Variants in POR observed in about 807,000 individuals in gnomAD.
POR encodes NADPH--cytochrome P450 reductase.
In POR, 56 loss-of-function variants were observed where a neutral mutation model predicts 84.0. That is an observed-to-expected ratio of 0.67 (90% CI 0.54 to 0.83). The LOEUF (loss-of-function observed/expected upper bound fraction) is 0.83. POR is among the 40% of genes least tolerant of loss of function. The pLI is 0.00. For synonymous variants in POR, 414 were observed against 400.5 expected, an observed-to-expected ratio of 1.03 and a Z score of -0.40; for missense variants, 938 against 944.3, an observed-to-expected ratio of 0.99 and a Z score of 0.09.
intron 1 of POR, among the ~76,000 whole-genome samples, chr7:75,916,475 CT>C (rs1554548079): frequency 1.4e-5 from 2 of 144,778 alleles, no homozygotes; most frequent in African/African-American, 4.8e-5. Flanking sequence ...GAAAGGTCCA[CT>C]TCCTTTTTTT....
At chr7:75,952,687 C>T (rs782486146) in intron 1 of POR, among the ~76,000 whole-genome samples, 2 of 145,986 alleles carry the variant, frequency 1.4e-5, no homozygotes, top group African/African-American at 5.2e-5. Context: ...CCAGACGGGG[C>T]GGCGGGGCAG....
chr7:75,982,150 C>T, intron 7 of POR, 74 bp from the exon 8 acceptor site: 1 of 1,151,698 alleles, frequency 8.7e-7, no homozygotes, highest in Non-Finnish European at 1.3e-6. Context: ...ACGGTCTCCC[C>T]TGTAGTCCAA....
At chr7:75,926,844 G>A (rs1027077033) in intron 1 of POR, among the ~76,000 whole-genome samples, 46 of 152,122 alleles carry the variant, frequency 3.0e-4, no homozygotes, top group African/African-American at 1.1e-3. Context: ...TGCAAAGTCT[G>A]ATGAGCACCA....
chr7:75,985,797 G>C lies in POR; in HGVS notation c.1617G>C (p.Gly539=). 1 of 1,567,200 alleles carries C rather than the reference G, an allele frequency of 6.4e-7. No homozygotes were observed. Among genetic ancestry groups the C allele is most frequent in the Non-Finnish European group, 8.6e-7 (1 of 1,156,344 alleles). Residue 539 remains glycine, a synonymous_variant, in exon 13 of 16, where the codon GGG becomes GGC. Coordinates refer to ENST00000461988, the MANE Select transcript of POR (RefSeq NM_000941.3). Reference sequence around the variant, plus strand: ...TCATCATGGTGGGCCCCGGCACCGGGGTGGCACCCTTCATAGGCTTCATCC... The same window carrying C: ...TCATCATGGTGGGCCCCGGCACCGGCGTGGCACCCTTCATAGGCTTCATCC...
At chr7:75,927,536 G>C (rs2116247523) in intron 1 of POR, among the ~76,000 whole-genome samples, 1 of 152,196 alleles carries the variant, frequency 6.6e-6, no homozygotes, top group African/African-American at 2.4e-5. Flanking sequence ...ATGAGTGTGG[G>C]ATTTCCTTTT....
chr7:75,966,485 C>CGTGCCTCT (rs1788187672), intron 2 of POR, among the ~76,000 whole-genome samples: 1 of 152,208 alleles, frequency 6.6e-6, no homozygotes, highest in Non-Finnish European at 1.5e-5. Flanking sequence ...CTGCTGCCAT[C>CGTGCCTCT]GTGCCTCTGT....
chr7:75,954,546 T>C (rs1160057073), intron 2 of POR, among the ~76,000 whole-genome samples: 1 of 151,926 alleles, frequency 6.6e-6, no homozygotes, highest in Non-Finnish European at 1.5e-5. Context: ...TTTATTTATT[T>C]ATTTGGAGAC....
chr7:75,980,983 C>G, intron 5 of POR, 65 bp from the exon 6 acceptor site: 1 of 1,488,674 alleles, frequency 6.7e-7, no homozygotes, highest in Admixed American at 2.3e-5. Flanking sequence ...CCGCCCTGCC[C>G]CCATGGCCCC....
chr7:75,934,132 T>A (rs1807558689), intron 1 of POR, among the ~76,000 whole-genome samples: 1 of 131,310 alleles, frequency 7.6e-6, no homozygotes, highest in Admixed American at 7.2e-5. Flanking sequence ...AGTGTGTGTG[T>A]GTGTGTGTGT....
chr7:75,962,000 C>T (rs1369984184), intron 2 of POR, among the ~76,000 whole-genome samples: 4 of 151,216 alleles, frequency 2.6e-5, no homozygotes, highest in East Asian at 1.9e-4. Context: ...GGTGACAGAA[C>T]GAGACCCTGT....
Position 75,981,029 on chromosome 7 carries a change from G to A in POR, c.517-19G>A, listed in dbSNP as rs781960448. Reference sequence around the variant, plus strand: ...CAGGTCGAGGGCCAGGCCTCAGAGCGGCCCCTGTGTCCACGCAGGTGTTTG... The same window carrying A: ...CAGGTCGAGGGCCAGGCCTCAGAGCAGCCCCTGTGTCCACGCAGGTGTTTG... On this transcript the variant is annotated intron_variant, in intron 5 of 15. Transcript: ENST00000461988. 6.4e-6 allele frequency: 10 copies of A among 1,553,836 alleles called. No individual in the cohort carries two copies. Among genetic ancestry groups the A allele is most frequent in the South Asian group, 1.2e-5 (1 of 84,316 alleles).
chr7:75,958,803 A>AC (rs775573850), intron 2 of POR, among the ~76,000 whole-genome samples: 15 of 113,982 alleles, frequency 1.3e-4, no homozygotes, highest in Middle Eastern at 4.2e-3. Flanking sequence ...ACATAGGGAG[A>AC]CCCCCACCCC....
At position 75,938,944 on chromosome 7, in the gene POR, A is replaced by G. The variant is rs563878537; in HGVS notation, c.-4-15045A>G. Reference sequence around the variant, plus strand: ...TGGTGGACCCTGATCATTCTTCACAATCCAGCCCAGATGTTGGCCTCTGGG... The same window carrying G: ...TGGTGGACCCTGATCATTCTTCACAGTCCAGCCCAGATGTTGGCCTCTGGG... On this transcript the variant is annotated intron_variant, in intron 1 of 15. Transcript: ENST00000461988. Among the ~76,000 whole-genome samples, 53 of 152,122 alleles carry G rather than the reference A, an allele frequency of 3.5e-4. 1 individual carries two copies. The highest frequency in any genetic ancestry group is 2.7e-3 in the Admixed American group (41 of 15,276).
intron 1 of POR, among the ~76,000 whole-genome samples, chr7:75,924,273 C>T (rs1309648918): frequency 6.6e-6 from 1 of 152,170 alleles, no homozygotes; most frequent in Non-Finnish European, 1.5e-5. Flanking sequence ...CAAGTTCCTT[C>T]TGTAGTTGAT....
At chr7:75,951,354 A>G (rs1554552804) in intron 1 of POR, among the ~76,000 whole-genome samples, 1 of 152,192 alleles carries the variant, frequency 6.6e-6, no homozygotes, top group Non-Finnish European at 1.5e-5. Flanking sequence ...AGATGGTGCC[A>G]TTGCACTCTA....
intron 1 of POR, chr7:75,922,936 C>T: frequency 3.0e-6 from 2 of 670,892 alleles, no homozygotes; most frequent in East Asian, 2.6e-5. Flanking sequence ...TTCCTGGCGG[C>T]AGAAACATGA....
intron 3 of POR, among the ~76,000 whole-genome samples, chr7:75,978,437 G>A (rs1260163652): frequency 6.6e-6 from 1 of 152,076 alleles, no homozygotes; most frequent in Non-Finnish European, 1.5e-5. Context: ...ATCTAGAGAT[G>A]ATTTAAAGTA....
intron 9 of POR, 43 bp downstream of exon 9, chr7:75,983,679 CT>C: frequency 6.2e-7 from 1 of 1,608,014 alleles, no homozygotes; most frequent in Non-Finnish European, 8.5e-7. Flanking sequence ...CACTCTGGGC[CT>C]CCTGACCTGG....
intron 2 of POR, among the ~76,000 whole-genome samples, chr7:75,958,771 G>A (rs933010916): frequency 6.6e-6 from 1 of 151,778 alleles, no homozygotes; most frequent in Non-Finnish European, 1.5e-5. Context: ...CTTGAGCCAG[G>A]AGTTCAAGAC....
Sources: allele counts gnomAD v4.1 joint callset (sites outside exome capture counted in the v4.1 genomes callset), GRCh38; gene constraint gnomAD v4.1.1; transcripts MANE v1.5; gene names NCBI Gene and HGNC (gene_info 2026-07-23, HGNC 2026-07-21).